Variants in GSK3B observed in about 807,000 individuals in gnomAD.
The protein encoded by GSK3B is glycogen synthase kinase 3 beta, also known as glycogen synthase kinase-3 beta.
Under a neutral mutation model 56.4 loss-of-function variants are expected in GSK3B, and 15 were observed. The observed-to-expected ratio is 0.27, with a 90% CI of 0.18 to 0.41. The LOEUF (loss-of-function observed/expected upper bound fraction) is 0.41. GSK3B is among the 10% of genes least tolerant of loss of function. The pLI, the probability that GSK3B is intolerant of heterozygous loss-of-function variation, is 1.00. For missense variants in GSK3B, 300 were observed against 513.4 expected (o/e 0.58, Z 4.02); for synonymous variants, 181 against 188.9 (o/e 0.96, Z 0.34).
intron 1 of GSK3B, among the ~76,000 whole-genome samples, chr3:120,089,477 CA>C (rs2058493020): frequency 1.3e-5 from 2 of 152,142 alleles, no homozygotes; most frequent in Admixed American, 1.3e-4. Context: ...TTAAACTTCC[CA>C]GGGGAATACG....
chr3:119,877,429 T>C (rs2056327150), intron 7 of GSK3B, among the ~76,000 whole-genome samples: 1 of 152,216 alleles, frequency 6.6e-6, no homozygotes, highest in African/African-American at 2.4e-5. Context: ...AAATGCTATA[T>C]AAATAGTTGT....
chr3:120,061,150 T>C (rs962793221), intron 1 of GSK3B, among the ~76,000 whole-genome samples: 61 of 152,222 alleles, frequency 4.0e-4, no homozygotes, highest in African/African-American at 1.4e-3. Context: ...TTAGTAACAC[T>C]TTAAATCTCT....
intron 1 of GSK3B, among the ~76,000 whole-genome samples, chr3:120,086,344 A>C (rs1244707054): frequency 2.0e-5 from 3 of 152,206 alleles, no homozygotes; most frequent in Non-Finnish European, 2.9e-5. Context: ...ACCTTTATCC[A>C]TACTGCTGAA....
intron 3 of GSK3B, among the ~76,000 whole-genome samples, chr3:119,928,067 A>G (rs574778109): frequency 8.7e-4 from 132 of 152,322 alleles, no homozygotes; most frequent in African/African-American, 3.1e-3. Flanking sequence ...TGGTGCCAGT[A>G]GCAATCAAGC....
intron 1 of GSK3B, among the ~76,000 whole-genome samples, chr3:120,058,844 T>C (rs1172527495): frequency 1.3e-5 from 2 of 151,854 alleles, no homozygotes; most frequent in Admixed American, 6.6e-5. Context: ...ACCCTGTCTC[T>C]ACTAAAAATA....
chr3:119,839,344 T>C (rs1463163768), intron 10 of GSK3B, among the ~76,000 whole-genome samples: 1 of 152,230 alleles, frequency 6.6e-6, no homozygotes, highest in Non-Finnish European at 1.5e-5. Flanking sequence ...TAATGGTTGA[T>C]GGCATCTTTG....
chr3:119,917,274 C>T (rs994568790), intron 4 of GSK3B, among the ~76,000 whole-genome samples: 8 of 152,136 alleles, frequency 5.3e-5, no homozygotes, highest in African/African-American at 1.9e-4. Flanking sequence ...GTGAAAACTG[C>T]AGACAGCTGA....
chr3:119,875,368 C>G (rs562900534), intron 8 of GSK3B, among the ~76,000 whole-genome samples: 232 of 151,978 alleles, frequency 1.5e-3, no homozygotes, highest in Middle Eastern at 3.4e-3. Flanking sequence ...ATGACTTCAC[C>G]TCGAATTATA....
chr3:119,993,033 G>GAA (rs199737858), intron 2 of GSK3B, among the ~76,000 whole-genome samples: 12 of 119,366 alleles, frequency 1.0e-4, no homozygotes, highest in Non-Finnish European at 1.3e-4. Context: ...TAAAAAGGAT[G>GAA]AAAAAAAAAA....
At chr3:119,991,886 G>A (rs1372419978) in intron 2 of GSK3B, among the ~76,000 whole-genome samples, 1 of 151,828 alleles carries the variant, frequency 6.6e-6, no homozygotes, top group Non-Finnish European at 1.5e-5. Context: ...CTATACAATA[G>A]CAACAAAAAC....
chr3:119,858,640 T>C (rs1011061901), intron 9 of GSK3B, among the ~76,000 whole-genome samples: 9 of 152,212 alleles, frequency 5.9e-5, no homozygotes, highest in African/African-American at 1.9e-4. Context: ...TAAATTTCCT[T>C]TGACAACTTT....
chr3:119,844,492 G>A (rs1002417881), intron 9 of GSK3B, among the ~76,000 whole-genome samples: 14 of 152,096 alleles, frequency 9.2e-5, no homozygotes, highest in Non-Finnish European at 1.6e-4. Context: ...AAATGATAAA[G>A]GGGAGATCAC....
chr3:119,941,097 C>T (rs2057044670), intron 3 of GSK3B, among the ~76,000 whole-genome samples: 1 of 150,868 alleles, frequency 6.6e-6, no homozygotes, highest in African/African-American at 2.4e-5. Flanking sequence ...CTCACTGCAA[C>T]CTCTGCCTCC....
chr3:120,081,872 T>C (rs1305499199), intron 1 of GSK3B, among the ~76,000 whole-genome samples: 5 of 152,234 alleles, frequency 3.3e-5, no homozygotes, highest in Non-Finnish European at 7.3e-5. Flanking sequence ...GAAGGAGTTA[T>C]ATGAAAGTGA....
At chr3:119,943,656 G>A (rs935307703) in intron 3 of GSK3B, among the ~76,000 whole-genome samples, 10 of 151,996 alleles carry the variant, frequency 6.6e-5, no homozygotes, top group Non-Finnish European at 1.0e-4. Context: ...AGATTTAGAA[G>A]CAATCAGAAA....
intron 2 of GSK3B, among the ~76,000 whole-genome samples, chr3:119,996,347 T>G (rs923859052): frequency 6.6e-6 from 1 of 152,198 alleles, no homozygotes; most frequent in Non-Finnish European, 1.5e-5. Context: ...AAGCAATAGA[T>G]CCCCACTTTC....
intron 8 of GSK3B, among the ~76,000 whole-genome samples, chr3:119,865,125 T>C (rs2056159718): frequency 6.6e-6 from 1 of 151,994 alleles, no homozygotes. Context: ...AAGAAAATAA[T>C]CAGTGGGAAA....
At chr3:119,876,654 G>C in intron 7 of GSK3B, 146 bp from the exon 8 acceptor site, 1 of 611,564 alleles carries the variant, frequency 1.6e-6, no homozygotes, top group East Asian at 2.7e-5. Context: ...GCCATGATTT[G>C]AATATGTCCC....
intron 4 of GSK3B, among the ~76,000 whole-genome samples, chr3:119,918,690 G>A (rs1359745015): frequency 6.6e-6 from 1 of 151,944 alleles, no homozygotes; most frequent in Non-Finnish European, 1.5e-5. Flanking sequence ...CATTATCCCT[G>A]TTTTTACAGA....
Sources: gnomAD v4.1 joint callset for allele counts (sites outside exome capture counted in the v4.1 genomes callset) on GRCh38, gnomAD v4.1.1 for gene constraint, MANE v1.5 for transcripts, NCBI Gene and HGNC (gene_info 2026-07-23, HGNC 2026-07-21) for gene names.